Variants in SCML4 observed in about 807,000 individuals in gnomAD.
SCML4 encodes Scm polycomb group protein like 4.
A neutral mutation model predicts 41.1 loss-of-function variants in SCML4; 34 were observed. That is an observed-to-expected ratio of 0.83 (90% confidence interval 0.63 to 1.10). The LOEUF (loss-of-function observed/expected upper bound fraction) is 1.10, where lower values mean the gene tolerates loss of function less well. Among genes scored for constraint, SCML4 ranks in the 50% least tolerant of loss-of-function variants. The pLI, the probability that SCML4 is intolerant of heterozygous loss-of-function variation, is 0.00. For missense variants in SCML4, 522 were observed against 534.1 expected, an observed-to-expected ratio of 0.98 and a Z score of 0.22; for synonymous variants, 214 against 220.9, an observed-to-expected ratio of 0.97 and a Z score of 0.28.
intron 1 of SCML4, among the ~76,000 whole-genome samples, chr6:107,773,978 T>G (rs1265119306): frequency 3.3e-5 from 5 of 152,236 alleles, no homozygotes; most frequent in Non-Finnish European, 7.3e-5. Flanking sequence ...TAGGAAATAT[T>G]GGGTATCCTT....
At chr6:107,745,480 G>A (rs1402350614) in intron 4 of SCML4, 1 of 184,486 alleles carries the variant, frequency 5.4e-6, no homozygotes, top group Non-Finnish European at 1.1e-5. Flanking sequence ...GATTAGACTA[G>A]GGTTATGGGT....
chr6:107,826,799 C>G (rs556677587), upstream of SCML4, among the ~76,000 whole-genome samples: 5 of 152,346 alleles, frequency 3.3e-5, no homozygotes, highest in South Asian at 6.2e-4. Context: ...CGCGGTGGCT[C>G]ACGCCTGTAA....
At chr6:107,722,115 G>A (rs1315523753) in intron 5 of SCML4, among the ~76,000 whole-genome samples, 4 of 151,202 alleles carry the variant, frequency 2.6e-5, no homozygotes, top group South Asian at 2.1e-4. Context: ...TCAGACTCCC[G>A]AGTAGCTGGA....
At chr6:107,838,663 A>C in the SCML4 span, among the ~76,000 whole-genome samples, 1 of 152,176 alleles carries the variant, frequency 6.6e-6, no homozygotes, top group Non-Finnish European at 1.5e-5. Context: ...GTATCTCCCC[A>C]GATGGAAAAA....
chr6:107,755,683 C>T, intron 2 of SCML4: 1 of 831,876 alleles, frequency 1.2e-6, no homozygotes, highest in Non-Finnish European at 1.7e-6. Flanking sequence ...AAAAAAAAAG[C>T]TGTCTATTTT....
At chr6:107,773,008 A>G (rs557562445) in intron 1 of SCML4, among the ~76,000 whole-genome samples, 1 of 152,362 alleles carries the variant, frequency 6.6e-6, no homozygotes, top group South Asian at 2.1e-4. Context: ...CAACCCAAAT[A>G]ATAAGCAATA....
intron 6 of SCML4, among the ~76,000 whole-genome samples, chr6:107,717,143 C>CAAAAA (rs546258538): frequency 1.7e-4 from 11 of 63,540 alleles, no homozygotes; most frequent in East Asian, 6.3e-4. Context: ...ACTAAAAATA[C>CAAAAA]AAAAAAAAAA....
At chr6:107,812,236 A>G (rs976195283) in intron 1 of SCML4, among the ~76,000 whole-genome samples, 6 of 152,328 alleles carry the variant, frequency 3.9e-5, no homozygotes, top group African/African-American at 1.4e-4. Flanking sequence ...GTGCTCTGAA[A>G]ATGAAAGATA....
chr6:107,736,897 C>A (rs1490985086), intron 5 of SCML4, among the ~76,000 whole-genome samples: 1 of 152,210 alleles, frequency 6.6e-6, no homozygotes, highest in African/African-American at 2.4e-5. Context: ...TCATCTTCCA[C>A]CCCCTGCCAT....
chr6:107,728,940 A>G (rs975812869), intron 5 of SCML4, among the ~76,000 whole-genome samples: 3 of 152,180 alleles, frequency 2.0e-5, no homozygotes, highest in African/African-American at 7.2e-5. Context: ...TTCAAACCCG[A>G]TTGAAACTGC....
At chr6:107,842,547 AC>A in the SCML4 span, among the ~76,000 whole-genome samples, 3 of 152,128 alleles carry the variant, frequency 2.0e-5, no homozygotes, top group Non-Finnish European at 2.9e-5. Flanking sequence ...ATAGGTGTGT[AC>A]CACCACGCCC....
intron 2 of SCML4, among the ~76,000 whole-genome samples, chr6:107,750,395 G>T (rs1379909092): frequency 6.6e-6 from 1 of 152,220 alleles, no homozygotes. Flanking sequence ...GATTTCACTT[G>T]AAACCACAAA....
At chr6:107,836,988 C>T in the SCML4 span, among the ~76,000 whole-genome samples, 442 of 152,310 alleles carry the variant, frequency 2.9e-3, 5 homozygotes, top group Non-Finnish European at 4.8e-3. Context: ...AGCCATCATT[C>T]TTATGATCCA....
chr6:107,722,048 G>T (rs1417253044), intron 5 of SCML4, among the ~76,000 whole-genome samples: 4 of 150,610 alleles, frequency 2.7e-5, no homozygotes, highest in African/African-American at 9.8e-5. Context: ...GGAGTGCAGT[G>T]GTGCGATCTC....
chr6:107,806,614 G>A (rs948864158), intron 1 of SCML4, among the ~76,000 whole-genome samples: 1 of 152,182 alleles, frequency 6.6e-6, no homozygotes, highest in Admixed American at 6.5e-5. Flanking sequence ...CTCCAAAGCC[G>A]GCACTGGACC....
chr6:107,841,087 C>A, the SCML4 span, among the ~76,000 whole-genome samples: 1 of 151,980 alleles, frequency 6.6e-6, no homozygotes, highest in Admixed American at 6.6e-5. Context: ...TGTCAACCAT[C>A]ATATTGCATC....
chr6:107,733,974 C>T (rs1053017245), intron 5 of SCML4, among the ~76,000 whole-genome samples: 9 of 152,136 alleles, frequency 5.9e-5, no homozygotes, highest in Non-Finnish European at 1.3e-4. Flanking sequence ...CACGGAGAAT[C>T]GAGGAGTGGG....
rs1035417812 is a variant in SCML4 at position 107,703,501 on chromosome 6, G to A, written c.*1699C>T. 2.0e-5 allele frequency among the ~76,000 whole-genome samples: 3 copies of A among 152,238 alleles called. No homozygotes were observed. Among genetic ancestry groups the A allele is most frequent in the African/African-American group, 7.2e-5 (3 of 41,474 alleles). ...GCTTTCTCAAGTACTGCACATGAAA[G>A]TGGGCCTAACGGCATGGCATGGACT... On this transcript the variant is annotated 3_prime_UTR_variant, in exon 8 of 8. Transcript: ENST00000369020.
chr6:107,774,745 G>A (rs1044936338), intron 1 of SCML4, among the ~76,000 whole-genome samples: 2 of 152,168 alleles, frequency 1.3e-5, no homozygotes, highest in African/African-American at 4.8e-5. Context: ...GATCAGGCTG[G>A]GTGCGGTGGC....
Sources: allele counts gnomAD v4.1 joint callset (sites outside exome capture counted in the v4.1 genomes callset), GRCh38; gene constraint gnomAD v4.1.1; transcripts MANE v1.5; gene names NCBI Gene and HGNC (gene_info 2026-07-23, HGNC 2026-07-21).